The following WASF3 variants were observed in gnomAD, a reference collection of about 807,000 sequenced individuals.
The protein encoded by WASF3 is WASP family member 3.
WASF3 carries 11 observed loss-of-function variants against 46.6 expected under a neutral mutation model. That is an observed-to-expected ratio of 0.24 (90% CI 0.15 to 0.39). The LOEUF (loss-of-function observed/expected upper bound fraction) is 0.39, where lower values mean the gene tolerates loss of function less well. WASF3 is among the 10% of genes least tolerant of loss of function. The pLI, the probability that WASF3 is intolerant of heterozygous loss-of-function variation, is 1.00. For missense variants in WASF3, 576 were observed against 669.8 expected (o/e 0.86, Z 1.55); for synonymous variants, 242 against 259.7 (o/e 0.93, Z 0.65).
At chr13:26,664,923 C>A in intron 3 of WASF3, 105 bp from the exon 4 acceptor site, 2 of 1,222,696 alleles carry the variant, frequency 1.6e-6, no homozygotes, top group South Asian at 2.8e-5. Context: ...TACTCGTTTG[C>A]ACAAAATCCC....
chr13:26,564,041 T>A (rs1879383081), intron 1 of WASF3, among the ~76,000 whole-genome samples: 1 of 152,188 alleles, frequency 6.6e-6, no homozygotes, highest in Non-Finnish European at 1.5e-5. Context: ...ACCTTTTTGG[T>A]ATTTTAATCT....
chr13:26,653,708 A>G (rs1253131585), intron 3 of WASF3, among the ~76,000 whole-genome samples: 4 of 152,180 alleles, frequency 2.6e-5, no homozygotes, highest in Non-Finnish European at 4.4e-5. Flanking sequence ...GTTCTCATTT[A>G]CTAAGTGACC....
chr13:26,665,283 C>G, intron 4 of WASF3, 121 bp downstream of exon 4: 1 of 1,252,504 alleles, frequency 8.0e-7, no homozygotes, highest in Non-Finnish European at 1.1e-6. Flanking sequence ...CTTGTCTTTC[C>G]TAGAAGAATA....
At chr13:26,660,231 G>GTTTTTTTT (rs1882591344) in intron 3 of WASF3, among the ~76,000 whole-genome samples, 1 of 22,638 alleles carries the variant, frequency 4.4e-5, no homozygotes, top group African/African-American at 1.4e-4. Context: ...TTTTTTTTTA[G>GTTTTTTTT]CAAAAAGAAC....
At chr13:26,546,811 G>A in the WASF3 span, among the ~76,000 whole-genome samples, 7 of 152,210 alleles carry the variant, frequency 4.6e-5, no homozygotes, top group Admixed American at 2.0e-4. Flanking sequence ...TGGCTCCAGC[G>A]TGTGACCTTA....
rs1038165084 is a variant in WASF3, at chr13:26,572,112, T to C, written c.-109+14293T>C. 3.3e-5 allele frequency among the ~76,000 whole-genome samples: 5 copies of C among 152,362 alleles called. No individual in the cohort carries two copies. The South Asian group carries it at 8.3e-4, about 25-fold the overall frequency. ...CATTGATTCCTGGAGTTTTTCAGGTTTACTAACATGTCATCAACCACTAGA... is the reference window on the plus strand; with the variant it reads ...CATTGATTCCTGGAGTTTTTCAGGTCTACTAACATGTCATCAACCACTAGA... On this transcript the variant is annotated intron_variant, in intron 1 of 9. Transcript: ENST00000335327.
chr13:26,676,781 G>C, intron 7 of WASF3, 57 bp downstream of exon 7: 1 of 1,497,774 alleles, frequency 6.7e-7, no homozygotes, highest in South Asian at 1.4e-5. Flanking sequence ...GGTACTACCT[G>C]GTTTTATTAT....
At chr13:26,590,444 T>G (rs571317282) in intron 1 of WASF3, among the ~76,000 whole-genome samples, 2 of 152,330 alleles carry the variant, frequency 1.3e-5, no homozygotes, top group African/African-American at 4.8e-5. Flanking sequence ...GGTTAAAATT[T>G]CTTTTTCTCT....
At chr13:26,580,521 CAT>C (rs1181689340) in intron 1 of WASF3, among the ~76,000 whole-genome samples, 1 of 151,892 alleles carries the variant, frequency 6.6e-6, no homozygotes, top group African/African-American at 2.4e-5. Context: ...TATTGGATTT[CAT>C]ATGTTATTTT....
intron 1 of WASF3, among the ~76,000 whole-genome samples, chr13:26,583,957 C>G (rs768471513): frequency 7.2e-5 from 11 of 152,214 alleles, no homozygotes; most frequent in Non-Finnish European, 1.0e-4. Flanking sequence ...AAACTCAATT[C>G]AGTGAAGTGT....
At chr13:26,666,025 TA>T (rs1193210971) in intron 4 of WASF3, among the ~76,000 whole-genome samples, 2 of 152,174 alleles carry the variant, frequency 1.3e-5, no homozygotes, top group Admixed American at 6.5e-5. Flanking sequence ...TTTTATTTTT[TA>T]AAAAAAGTAG....
At chr13:26,647,243 A>AT (rs542153751) in intron 3 of WASF3, among the ~76,000 whole-genome samples, 2 of 152,032 alleles carry the variant, frequency 1.3e-5, no homozygotes, top group African/African-American at 4.8e-5. Context: ...TTGTCCAATA[A>AT]TTTTTTTTAA....
In WASF3 at chr13:26,679,264, C is replaced by T. The variant is rs1353267104; in HGVS notation, c.717-1790C>T. 2.6e-5 allele frequency among the ~76,000 whole-genome samples: 4 copies of T among 152,212 alleles called. No homozygotes were observed. Among genetic ancestry groups the T allele is most frequent in the African/African-American group, 4.8e-5 (2 of 41,458 alleles). The stretch of plus-strand genomic sequence containing the variant: ...CAGCTGCCTGCTCCTCCCTCCTCCT[C>T]CTCCTGCCTGCTGGCACATCCCTTT... On this transcript the variant is annotated intron_variant, in intron 7 of 9. Coordinates refer to ENST00000335327, the MANE Select transcript of WASF3 (RefSeq NM_006646.6). This position sits in a 1 kb window ranked among gnomAD's most constrained non-coding sequence, Gnocchi z 4.8.
intron 1 of WASF3, among the ~76,000 whole-genome samples, chr13:26,600,518 G>A (rs1880612163): frequency 6.6e-6 from 1 of 152,090 alleles, no homozygotes. Context: ...TTTCCTTTCT[G>A]GTTGCTCTCA....
At chr13:26,635,451 G>T (rs1881789130) in intron 2 of WASF3, among the ~76,000 whole-genome samples, 1 of 152,158 alleles carries the variant, frequency 6.6e-6, no homozygotes, top group African/African-American at 2.4e-5. Flanking sequence ...TTAGCTCGGA[G>T]AAGTTTGTTA....
intron 1 of WASF3, among the ~76,000 whole-genome samples, chr13:26,598,863 A>C (rs1880556692): frequency 6.6e-6 from 1 of 151,314 alleles, no homozygotes; most frequent in South Asian, 2.1e-4. Flanking sequence ...GCTCTTTTTA[A>C]TTTTATTTAT....
chr13:26,609,137 G>A (rs1418046462), intron 1 of WASF3, among the ~76,000 whole-genome samples: 2 of 152,168 alleles, frequency 1.3e-5, no homozygotes, highest in Non-Finnish European at 2.9e-5. Flanking sequence ...GAGTCATTTA[G>A]ATACAACCTG....
At chr13:26,619,919 G>A (rs760341127) in intron 2 of WASF3, among the ~76,000 whole-genome samples, 1 of 152,110 alleles carries the variant, frequency 6.6e-6, no homozygotes, top group Non-Finnish European at 1.5e-5. Flanking sequence ...CTCCTTGGCT[G>A]CCTTTTTATC....
At chr13:26,651,664 T>A (rs1882319842) in intron 3 of WASF3, among the ~76,000 whole-genome samples, 1 of 152,208 alleles carries the variant, frequency 6.6e-6, no homozygotes, top group Non-Finnish European at 1.5e-5. Flanking sequence ...GAAACCTGGA[T>A]CTGCAAGGAG....
Sources: gnomAD v4.1 joint callset for allele counts (sites outside exome capture counted in the v4.1 genomes callset) on GRCh38, gnomAD v4.1.1 for gene constraint, Gnocchi (gnomAD v3.1) non-coding constraint, MANE v1.5 for transcripts, NCBI Gene and HGNC (gene_info 2026-07-23, HGNC 2026-07-21) for gene names.